The following ADGRL2 variants were observed in gnomAD, a reference collection of about 807,000 sequenced individuals.
ADGRL2 encodes the protein adhesion G protein-coupled receptor L2, also known as calcium-independent alpha-latrotoxin receptor 2.
Under a neutral mutation model 157.4 loss-of-function variants are expected in ADGRL2, and 44 were observed. The observed-to-expected ratio is 0.28, with a 90% confidence interval of 0.22 to 0.36. ADGRL2 has a LOEUF of 0.36. Among genes scored for constraint, ADGRL2 ranks in the 10% least tolerant of loss-of-function variants. The pLI, the probability that ADGRL2 is intolerant of heterozygous loss-of-function variation, is 1.00. For missense variants in ADGRL2, 1,510 were observed against 1,768.9 expected (o/e 0.85, Z 2.63); for synonymous variants, 585 against 624.7 (o/e 0.94, Z 0.95).
At chr1:81,431,446 A>G (rs1479138547) in intron 1 of ADGRL2, among the ~76,000 whole-genome samples, 15 of 152,146 alleles carry the variant, frequency 9.9e-5, no homozygotes. Context: ...AAGGGCCACA[A>G]ACGTGGCCCC....
intron 2 of ADGRL2, among the ~76,000 whole-genome samples, chr1:81,555,822 C>T (rs1421190779): frequency 6.6e-6 from 1 of 152,026 alleles, no homozygotes; most frequent in African/African-American, 2.4e-5. Context: ...AAAAATAATA[C>T]AAGCAAGCAA....
intron 3 of ADGRL2, among the ~76,000 whole-genome samples, chr1:81,610,145 A>C (rs1192113283): frequency 2.0e-5 from 3 of 151,518 alleles, no homozygotes; most frequent in Non-Finnish European, 4.4e-5. Flanking sequence ...AGAGCATAAG[A>C]TCTATTCTGA....
At chr1:81,983,727 T>G (rs1662298010) in intron 19 of ADGRL2, among the ~76,000 whole-genome samples, 1 of 152,064 alleles carries the variant, frequency 6.6e-6, no homozygotes, top group African/African-American at 2.4e-5. Flanking sequence ...ACCCTCTCCC[T>G]CTTAATTCTG....
intron 1 of ADGRL2, among the ~76,000 whole-genome samples, chr1:81,390,753 C>T (rs2076531817): frequency 6.6e-6 from 1 of 152,304 alleles, no homozygotes; most frequent in East Asian, 1.9e-4. Context: ...ATTGATCTAC[C>T]ATCTTCTTTT....
At chr1:81,416,664 G>A (rs2077039700) in intron 1 of ADGRL2, among the ~76,000 whole-genome samples, 1 of 152,122 alleles carries the variant, frequency 6.6e-6, no homozygotes, top group African/African-American at 2.4e-5. Context: ...TATATTGGTT[G>A]AATGTCTATC....
upstream of ADGRL2, among the ~76,000 whole-genome samples, chr1:81,698,912 C>A (rs1369313637): frequency 6.6e-6 from 1 of 152,088 alleles, no homozygotes. Flanking sequence ...CCACAATCAA[C>A]AATAAAATAA....
intron 1 of ADGRL2, among the ~76,000 whole-genome samples, chr1:81,334,458 A>G (rs1022974168): frequency 2.0e-5 from 3 of 152,166 alleles, no homozygotes; most frequent in African/African-American, 7.2e-5. Flanking sequence ...TTAGAAAATG[A>G]TTTCTGTGTT....
At chr1:81,467,437 T>C (rs577764362) in intron 2 of ADGRL2, among the ~76,000 whole-genome samples, 2 of 152,272 alleles carry the variant, frequency 1.3e-5, no homozygotes, top group South Asian at 2.1e-4. Flanking sequence ...ACTGCTATTA[T>C]CGAAAGCCAA....
At chr1:81,818,490 C>T (rs534453301) in intron 1 of ADGRL2, among the ~76,000 whole-genome samples, 2 of 152,230 alleles carry the variant, frequency 1.3e-5, no homozygotes, top group African/African-American at 2.4e-5. Context: ...CCAAAAAATA[C>T]GCATTTGCTT....
At chr1:81,590,899 A>G (rs1218379064) in intron 3 of ADGRL2, among the ~76,000 whole-genome samples, 5 of 152,052 alleles carry the variant, frequency 3.3e-5, no homozygotes, top group African/African-American at 1.2e-4. Context: ...ACAACCCCAT[A>G]TGAGAAAACT....
At chr1:81,707,276 T>C (rs954880188) in intron 1 of ADGRL2, among the ~76,000 whole-genome samples, 1 of 152,192 alleles carries the variant, frequency 6.6e-6, no homozygotes, top group African/African-American at 2.4e-5. Context: ...ATCAGGCTCT[T>C]CCTACAATTC....
chr1:81,802,656 T>C (rs986075322), intron 1 of ADGRL2, among the ~76,000 whole-genome samples: 7 of 152,030 alleles, frequency 4.6e-5, no homozygotes, highest in African/African-American at 1.7e-4. Flanking sequence ...AAGCGCGTCC[T>C]CGGCGGAGCT....
At chr1:81,639,625 C>A (rs1322986888) in intron 3 of ADGRL2, among the ~76,000 whole-genome samples, 1 of 148,562 alleles carries the variant, frequency 6.7e-6, no homozygotes, top group Non-Finnish European at 1.5e-5. Flanking sequence ...ATATTAATCT[C>A]AGACAGAGCA....
chr1:81,534,874 T>C (rs978368756), intron 2 of ADGRL2, among the ~76,000 whole-genome samples: 13 of 152,204 alleles, frequency 8.5e-5, no homozygotes, highest in African/African-American at 2.4e-5. Context: ...GGTTACAGAA[T>C]CAAATGCAAG....
chr1:81,538,578 A>C (rs1005817647), intron 2 of ADGRL2, among the ~76,000 whole-genome samples: 1 of 152,234 alleles, frequency 6.6e-6, no homozygotes, highest in Non-Finnish European at 1.5e-5. Context: ...TCTTGCATCT[A>C]TACATGGAAT....
At chr1:81,361,785 A>G (rs765524498) in intron 1 of ADGRL2, among the ~76,000 whole-genome samples, 12 of 151,924 alleles carry the variant, frequency 7.9e-5, no homozygotes, top group Non-Finnish European at 1.8e-4. Flanking sequence ...AGTACCTATT[A>G]TATACAGGGC....
chr1:81,900,144 T>C (rs2094460341), intron 2 of ADGRL2, among the ~76,000 whole-genome samples: 1 of 152,178 alleles, frequency 6.6e-6, no homozygotes, highest in African/African-American at 2.4e-5. Flanking sequence ...ATGGTTGTTT[T>C]GAGGATTCAT....
chr1:81,743,312 T>C (rs990892547), intron 1 of ADGRL2, among the ~76,000 whole-genome samples: 1 of 151,150 alleles, frequency 6.6e-6, no homozygotes, highest in African/African-American at 2.4e-5. Flanking sequence ...TCAGCAGCAA[T>C]GGCTGCAGCT....
intron 1 of ADGRL2, among the ~76,000 whole-genome samples, chr1:81,395,495 T>C (rs887957822): frequency 3.3e-5 from 5 of 152,206 alleles, no homozygotes; most frequent in African/African-American, 1.2e-4. Context: ...TTCTGCTAGT[T>C]GTCTCTTCAC....
Sources: allele counts gnomAD v4.1 joint callset (sites outside exome capture counted in the v4.1 genomes callset), GRCh38; gene constraint gnomAD v4.1.1; transcripts MANE v1.5; gene names NCBI Gene and HGNC (gene_info 2026-07-23, HGNC 2026-07-21).